Variants in NBAS observed in about 807,000 individuals in gnomAD.
NBAS encodes NAG/BC035112 fusion.
In NBAS, 219 loss-of-function variants were observed where a neutral mutation model predicts 302.5. That is an observed-to-expected ratio of 0.72 (90% confidence interval 0.65 to 0.81). The LOEUF is 0.81. Among genes scored for constraint, NBAS ranks in the 30% least tolerant of loss-of-function variants. The pLI is 0.00. For synonymous variants in NBAS, 1,118 were observed against 1,021.6 expected, an observed-to-expected ratio of 1.09 and a Z score of -1.80; for missense variants, 2,932 against 2,841.6, an observed-to-expected ratio of 1.03 and a Z score of -0.72.
chr2:15,074,280 C>G, the NBAS span, among the ~76,000 whole-genome samples: 1 of 151,014 alleles, frequency 6.6e-6, no homozygotes, highest in South Asian at 2.1e-4. Context: ...CTACCTTATT[C>G]CTGTATAAAA....
chr2:14,931,499 A>AT, the NBAS span, among the ~76,000 whole-genome samples: 2 of 152,174 alleles, frequency 1.3e-5, no homozygotes, highest in African/African-American at 2.4e-5. Context: ...TGTAATGCAA[A>AT]TTTGCTTGTA....
chr2:15,065,431 C>A, the NBAS span, among the ~76,000 whole-genome samples: 1 of 152,022 alleles, frequency 6.6e-6, no homozygotes, highest in African/African-American at 2.4e-5. Flanking sequence ...AAATAAAAGG[C>A]AGCCAACTGA....
chr2:15,448,227 T>C (rs1156243425), intron 21 of NBAS, among the ~76,000 whole-genome samples: 3 of 152,196 alleles, frequency 2.0e-5, no homozygotes. Context: ...CCTTTTAGCG[T>C]ACCTAAAATT....
chr2:15,208,079 T>A (rs1666229090), intron 48 of NBAS, among the ~76,000 whole-genome samples: 6 of 152,144 alleles, frequency 3.9e-5, no homozygotes, highest in Admixed American at 3.9e-4. Flanking sequence ...AGGCCTTGTA[T>A]TAGTCCATTT....
the NBAS span, among the ~76,000 whole-genome samples, chr2:14,799,287 T>C: frequency 6.6e-6 from 1 of 152,080 alleles, no homozygotes. Context: ...AAAACTTTGT[T>C]TTCCCTTTTG....
intron 48 of NBAS, among the ~76,000 whole-genome samples, chr2:15,192,834 A>C (rs1205347796): frequency 6.6e-6 from 1 of 152,182 alleles, no homozygotes; most frequent in Non-Finnish European, 1.5e-5. Context: ...AGTAACAAGT[A>C]GTTTCTCCTT....
chr2:15,093,509 A>G, the NBAS span, among the ~76,000 whole-genome samples: 1 of 152,256 alleles, frequency 6.6e-6, no homozygotes, highest in Non-Finnish European at 1.5e-5. Context: ...TATGTGAAGT[A>G]TTAATTGGTG....
At chr2:14,985,646 C>T in the NBAS span, among the ~76,000 whole-genome samples, 1 of 152,172 alleles carries the variant, frequency 6.6e-6, no homozygotes, top group African/African-American at 2.4e-5. Context: ...GGGGCTCTTT[C>T]CATACATTTG....
the NBAS span, among the ~76,000 whole-genome samples, chr2:15,116,001 A>G: frequency 1.3e-5 from 2 of 152,190 alleles, no homozygotes; most frequent in East Asian, 1.9e-4. Flanking sequence ...CTTAGTTCTC[A>G]TGCAACATCA....
intron 47 of NBAS, among the ~76,000 whole-genome samples, chr2:15,224,563 A>G (rs1050839429): frequency 6.6e-6 from 1 of 152,252 alleles, no homozygotes; most frequent in Non-Finnish European, 1.5e-5. Flanking sequence ...TTCAAAATTA[A>G]GGAATTTCAC....
At chr2:14,953,118 C>T in the NBAS span, among the ~76,000 whole-genome samples, 6 of 152,234 alleles carry the variant, frequency 3.9e-5, no homozygotes, top group African/African-American at 1.4e-4. Context: ...CAGTCAGTGA[C>T]TGGCCCTGGT....
At chr2:15,210,527 T>G (rs1158313819) in intron 48 of NBAS, among the ~76,000 whole-genome samples, 1 of 152,180 alleles carries the variant, frequency 6.6e-6, no homozygotes, top group African/African-American at 2.4e-5. Context: ...TTGGTTGGAA[T>G]GTAAATTAGT....
At chr2:15,338,739 G>A (rs989364444) in intron 35 of NBAS, among the ~76,000 whole-genome samples, 34 of 151,228 alleles carry the variant, frequency 2.2e-4, no homozygotes, top group African/African-American at 8.0e-4. Context: ...GCCAGGTGCA[G>A]TGGCTCACGC....
the NBAS span, among the ~76,000 whole-genome samples, chr2:15,101,610 G>A: frequency 6.6e-6 from 1 of 152,080 alleles, no homozygotes. Flanking sequence ...CTTATTGAAG[G>A]GGTAAGATTT....
rs1439536185 is a variant in NBAS at position 15,366,587 on chromosome 2, C to T, written c.3810G>A (p.Arg1270=). The change falls in exon 32 of 52, where the codon AGG becomes AGA. Residue 1270 remains arginine (R), a synonymous_variant. Coordinates refer to ENST00000281513, the MANE Select transcript of NBAS (RefSeq NM_015909.4). ...AGTACTCAAAAGACTTACCTGCAAC[C>T]CTCAGCAGCTCAGCAAGGCCCAGAA... ...TKLLGLAELL[R]VAGENPEERR... is the part of the protein sequence containing the mutation. 6.2e-7 allele frequency: 1 copy of T among 1,613,838 alleles called. No individual in the cohort carries two copies. Among genetic ancestry groups the T allele is most frequent in the South Asian group, 1.1e-5 (1 of 91,070 alleles).
intron 21 of NBAS, among the ~76,000 whole-genome samples, chr2:15,452,994 C>T (rs571761218): frequency 2.8e-4 from 43 of 152,304 alleles, no homozygotes; most frequent in Non-Finnish European, 5.6e-4. Context: ...GATACTATGA[C>T]ATCTGCAAAC....
chr2:15,439,788 G>A (rs937154760), intron 21 of NBAS, among the ~76,000 whole-genome samples: 17 of 152,266 alleles, frequency 1.1e-4, no homozygotes, highest in African/African-American at 3.1e-4. Context: ...CTGGAAAATC[G>A]GGTCACTCCC....
intron 3 of NBAS, among the ~76,000 whole-genome samples, chr2:15,554,983 A>C (rs542283652): frequency 1.3e-5 from 2 of 152,294 alleles, no homozygotes; most frequent in East Asian, 3.9e-4. Context: ...TTAGAGGATT[A>C]ATACCCGAAG....
At chr2:15,404,557 G>A (rs1239099255) in intron 25 of NBAS, among the ~76,000 whole-genome samples, 2 of 150,354 alleles carry the variant, frequency 1.3e-5, no homozygotes, top group Non-Finnish European at 3.0e-5. Flanking sequence ...GTGTCGCCCA[G>A]GCTCAAGTGC....
Sources: allele counts gnomAD v4.1 joint callset (sites outside exome capture counted in the v4.1 genomes callset), GRCh38; gene constraint gnomAD v4.1.1; transcripts MANE v1.5; gene names NCBI Gene and HGNC (gene_info 2026-07-23, HGNC 2026-07-21).